The following DARS2 variants were observed in gnomAD, a reference collection of about 807,000 sequenced individuals.
The protein encoded by DARS2 is aspartyl-tRNA synthetase 2, mitochondrial.
A neutral mutation model predicts 83.0 loss-of-function variants in DARS2; 63 were observed. The observed-to-expected ratio is 0.76, with a 90% confidence interval of 0.62 to 0.94. The LOEUF (loss-of-function observed/expected upper bound fraction) is 0.94. Among genes scored for constraint, DARS2 ranks in the 40% least tolerant of loss-of-function variants. The pLI is 0.00. For synonymous variants in DARS2, 250 were observed against 269.3 expected (o/e 0.93, Z 0.70); for missense variants, 675 against 774.4 (o/e 0.87, Z 1.52).
At chr1:173,847,690 G>A (rs1262031320) in intron 12 of DARS2, among the ~76,000 whole-genome samples, 1 of 151,906 alleles carries the variant, frequency 6.6e-6, no homozygotes, top group Non-Finnish European at 1.5e-5. Context: ...TTCTGCCAGA[G>A]TATCTCTGTT....
chr1:173,845,470 C>T (rs1478889481), intron 12 of DARS2, among the ~76,000 whole-genome samples, 179 bp downstream of exon 12: 6 of 152,044 alleles, frequency 3.9e-5, no homozygotes, highest in African/African-American at 1.2e-4. Context: ...CTTATTCTGT[C>T]GCCCAGGCTA....
In DARS2 at chr1:173,840,363, C is replaced by G. The variant is rs564389728; in HGVS notation, c.1021-503C>G. Among the ~76,000 whole-genome samples, 19 of 152,276 alleles carry G rather than the reference C, an allele frequency of 1.2e-4. No individual in the cohort carries two copies. In the East Asian group the frequency reaches 3.1e-3, roughly 25 times the overall value. ...AAGCGATTCTCCTGCCTCAGCCTCCCGAGTAGCTGGGATTACAGGCGCATA... is the reference window on the plus strand; with the variant it reads ...AAGCGATTCTCCTGCCTCAGCCTCCGGAGTAGCTGGGATTACAGGCGCATA... On this transcript the variant is annotated intron_variant, in intron 10 of 16. Transcript: ENST00000649689.
At chr1:173,829,692 G>A (rs1050081550) in intron 3 of DARS2, among the ~76,000 whole-genome samples, 4 of 151,806 alleles carry the variant, frequency 2.6e-5, no homozygotes, top group African/African-American at 7.3e-5. Flanking sequence ...GGTGGATCTC[G>A]AGGTCAGGAG....
At chr1:173,848,119 G>T (rs1029639315) in intron 12 of DARS2, among the ~76,000 whole-genome samples, 2 of 151,926 alleles carry the variant, frequency 1.3e-5, no homozygotes, top group African/African-American at 4.8e-5. Flanking sequence ...TCCCAAAGTG[G>T]TGGGATTACA....
intron 6 of DARS2, among the ~76,000 whole-genome samples, chr1:173,833,723 C>T (rs1571981566): frequency 1.3e-5 from 2 of 151,704 alleles, no homozygotes; most frequent in East Asian, 3.9e-4. Context: ...TATTTCCCAT[C>T]ATCATCAAAG....
rs566358440 is a variant in DARS2, at chr1:173,855,981, G to A, written c.1675-685G>A. Reference sequence around the variant, plus strand: ...TGGCCTAGAATACATTACTTCTGTTGCTTCCCTAAATAGTGGTTCTCAGCC... The same window carrying A: ...TGGCCTAGAATACATTACTTCTGTTACTTCCCTAAATAGTGGTTCTCAGCC... On this transcript the variant is annotated intron_variant, in intron 15 of 16. Coordinates refer to ENST00000649689, the MANE Select transcript of DARS2 (RefSeq NM_018122.5). Among the ~76,000 whole-genome samples the A allele has an allele frequency of 2.6e-5, 4 of 152,072 alleles. No individual in the cohort carries two copies. In the South Asian group the frequency reaches 8.3e-4, roughly 32 times the overall value.
intron 15 of DARS2, among the ~76,000 whole-genome samples, chr1:173,855,391 C>T (rs1393052439): frequency 2.0e-5 from 3 of 152,212 alleles, no homozygotes; most frequent in South Asian, 4.1e-4. Flanking sequence ...CGTGAGCCAC[C>T]GCACCCAGCC....
chr1:173,834,724 G>GTTTTTTTT (rs1203102003), intron 7 of DARS2, among the ~76,000 whole-genome samples: 2 of 14,770 alleles, frequency 1.4e-4, no homozygotes, highest in African/African-American at 2.6e-4. Context: ...TTTCCTTTGA[G>GTTTTTTTT]TTTTTTTGTT....
At chr1:173,846,186 C>T (rs12085748) in intron 12 of DARS2, among the ~76,000 whole-genome samples, 3 of 151,564 alleles carry the variant, frequency 2.0e-5, no homozygotes, top group Non-Finnish European at 4.4e-5. Context: ...AAAAATGTGC[C>T]GGGTGTGTTG....
chr1:173,831,767 C>G lies in DARS2; in HGVS notation c.492+137C>G, dbSNP rs75487422. Reference sequence around the variant, plus strand: ...TATTGTAGACACATCATGAAGTGTTCTCTTAGTTCTACAACTTCTTGGCAC... The same window carrying G: ...TATTGTAGACACATCATGAAGTGTTGTCTTAGTTCTACAACTTCTTGGCAC... On this transcript the variant is annotated intron_variant, in intron 5 of 16. Coordinates refer to ENST00000649689, the MANE Select transcript of DARS2 (RefSeq NM_018122.5). The G allele has an allele frequency of 4.4e-4, 309 of 708,644 alleles. 2 individuals are homozygous for G. The East Asian group carries it at 7.8e-3, about 18-fold the overall frequency. 43.9% of individuals were successfully genotyped at this position (708,644 alleles called of 1,614,324 possible).
At chr1:173,840,366 G>A (rs1320003936) in intron 10 of DARS2, among the ~76,000 whole-genome samples, 1 of 152,160 alleles carries the variant, frequency 6.6e-6, no homozygotes, top group Non-Finnish European at 1.5e-5. Flanking sequence ...AGCCTCCCGA[G>A]TAGCTGGGAT....
chr1:173,826,820 T>C (rs915224091), intron 2 of DARS2, 34 bp downstream of exon 2: 16 of 1,501,308 alleles, frequency 1.1e-5, no homozygotes, highest in Non-Finnish European at 1.4e-5. Flanking sequence ...GAATGCATGG[T>C]GGTGGTTTTC....
At chr1:173,851,176 GA>G (rs1323615171) in intron 13 of DARS2, among the ~76,000 whole-genome samples, 1 of 150,780 alleles carries the variant, frequency 6.6e-6, no homozygotes, top group Non-Finnish European at 1.5e-5. Flanking sequence ...TTCAACCTGG[GA>G]GGGGGAGGTT....
chr1:173,832,060 G>A (rs1451358793), intron 5 of DARS2, among the ~76,000 whole-genome samples: 1 of 152,100 alleles, frequency 6.6e-6, no homozygotes, highest in African/African-American at 2.4e-5. Flanking sequence ...ATATAAATAG[G>A]ATTACCATAA....
At chr1:173,850,295 AAAAC>A in intron 12 of DARS2, 28 bp from the exon 13 acceptor site, 1 of 1,577,376 alleles carries the variant, frequency 6.3e-7, no homozygotes, top group African/African-American at 1.4e-5. Flanking sequence ...AAAAAAAAAA[AAAAC>A]GTGAATAAGT....
chr1:173,855,265 G>A (rs777301804), intron 15 of DARS2, among the ~76,000 whole-genome samples: 33 of 151,868 alleles, frequency 2.2e-4, no homozygotes, highest in South Asian at 2.1e-4. Flanking sequence ...TAACACACCC[G>A]GCTATTTTGT....
In DARS2 at chr1:173,830,838, C is replaced by A. The variant is rs1652769774; in HGVS notation, c.396+77C>A. On this transcript the variant is annotated intron_variant, in intron 4 of 16. Coordinates refer to ENST00000649689, the MANE Select transcript of DARS2 (RefSeq NM_018122.5). ...CATCTGTGTACACATTCTGGCAACA[C>A]ATGACTGGACATTAGGCACTAAAGT... 4 of 1,034,998 alleles carry A rather than the reference C, an allele frequency of 3.9e-6. No homozygotes were observed. In the African/African-American group the frequency reaches 6.3e-5, roughly 16 times the overall value. The allele number at this position is 1,034,998 out of a possible 1,614,324, so 64.1% of individuals were successfully genotyped here. A position where few individuals can be genotyped will look rare whatever the true frequency, so the allele number is the denominator to read the frequency against.
At chr1:173,844,842 G>A (rs866393428) in intron 11 of DARS2, among the ~76,000 whole-genome samples, 8 of 118,404 alleles carry the variant, frequency 6.8e-5, no homozygotes, top group African/African-American at 2.7e-4. Flanking sequence ...TACCCAGGCT[G>A]GAGTACAGTG....
intron 1 of DARS2, 98 bp from the exon 2 acceptor site, chr1:173,826,589 C>G: frequency 1.2e-6 from 1 of 827,284 alleles, no homozygotes; most frequent in South Asian, 1.6e-5. Context: ...CCTGACATAC[C>G]TAAGATATAT....
Sources: allele counts gnomAD v4.1 joint callset (sites outside exome capture counted in the v4.1 genomes callset), GRCh38; gene constraint gnomAD v4.1.1; transcripts MANE v1.5; gene names NCBI Gene and HGNC (gene_info 2026-07-23, HGNC 2026-07-21).